CADPS2: variants seen among roughly 807,000 people sequenced by gnomAD.
CADPS2 encodes calcium-dependent secretion activator 2.
In CADPS2, 93 loss-of-function variants were observed where a neutral mutation model predicts 172.5. That is an observed-to-expected ratio of 0.54 (90% CI 0.46 to 0.64). The LOEUF (loss-of-function observed/expected upper bound fraction) is 0.64. Ranked by LOEUF, CADPS2 falls within the 30% of genes least tolerant of loss-of-function variation. The pLI, the probability that CADPS2 is intolerant of heterozygous loss-of-function variation, is 0.00. For missense variants in CADPS2, 1,420 were observed against 1,565.9 expected, an observed-to-expected ratio of 0.91 and a Z score of 1.57; for synonymous variants, 546 against 555.2, an observed-to-expected ratio of 0.98 and a Z score of 0.23.
intron 3 of CADPS2, among the ~76,000 whole-genome samples, chr7:122,657,852 T>C (rs2080000516): frequency 6.6e-6 from 1 of 152,114 alleles, no homozygotes; most frequent in Non-Finnish European, 1.5e-5. Context: ...CTATGTTGAA[T>C]AGGAGTGGTG....
Position 122,477,046 on chromosome 7 carries a change from AGAGAGAAGAG to A in CADPS2, c.1862-2539_1862-2530del, listed in dbSNP as rs1563448785. ...AGGAGAGGAGAGGAGAGGAGAGGAG[AGAGAGAAGAG>A]AGAGAGAGAGAGAGAGAGAGAGAGA... On this transcript the variant is annotated intron_variant, in intron 12 of 29. Coordinates refer to ENST00000449022, the MANE Select transcript of CADPS2 (RefSeq NM_017954.11). Among the ~76,000 whole-genome samples, 12 of 65,958 alleles carry A rather than the reference AGAGAGAAGAG, an allele frequency of 1.8e-4. No homozygotes were observed. The East Asian group carries it at 4.3e-3, about 23-fold the overall frequency. 43.3% of individuals were successfully genotyped at this position (65,958 alleles called of 152,430 possible).
intron 8 of CADPS2, among the ~76,000 whole-genome samples, chr7:122,520,832 C>T (rs1473742757): frequency 6.6e-6 from 1 of 152,088 alleles, no homozygotes; most frequent in Non-Finnish European, 1.5e-5. Context: ...TATTTGCACT[C>T]AGTCCATGCT....
rs766158398 is a variant in CADPS2 at position 122,886,031 on chromosome 7, G to C, written c.307C>G (p.Gln103Glu). ...RCIAYPFNAKQPTDMARRQQK... is the reference protein window; with the variant it reads ...RCIAYPFNAKEPTDMARRQQK... ...TGCCTCCGGGCCATGTCGGTGGGCT[G>C]CTTGGCGTTGAAGGGGTACGCGATG... Residue 103 changes from glutamine (Q) to glutamate (E), a missense_variant, in exon 1 of 30, where the codon CAG becomes GAG. By Grantham distance (29) the Gln-to-Glu change is conservative (BLOSUM62 2). Transcript: ENST00000449022. 6.2e-7 allele frequency: 1 copy of C among 1,608,380 alleles called. No homozygotes were observed.
chr7:122,349,198 G>A (rs962502658), intron 27 of CADPS2, among the ~76,000 whole-genome samples: 10 of 151,958 alleles, frequency 6.6e-5, no homozygotes, highest in Middle Eastern at 3.4e-3. Context: ...AAAAGTGGCC[G>A]GTTAAACTTC....
At chr7:122,434,169 C>T (rs1467999384) in intron 17 of CADPS2, among the ~76,000 whole-genome samples, 3 of 152,112 alleles carry the variant, frequency 2.0e-5, no homozygotes, top group Admixed American at 1.3e-4. Context: ...CGGATTGTTG[C>T]TATTACAATG....
rs77342258 is a variant in CADPS2, at chr7:122,496,567, T to G, written c.1543-5147A>C. Among the ~76,000 whole-genome samples, 1,494 of 152,324 alleles carry G rather than the reference T, an allele frequency of 9.8e-3. 25 individuals are homozygous for G. Among genetic ancestry groups the G allele is most frequent in the African/African-American group, 0.034 (1,433 of 41,570 alleles). ...GTTCATATTAGCCTCATCTCACAAG[T>G]AGCATTTTTATGAGTTCTGTTCCAA... On this transcript the variant is annotated intron_variant, in intron 9 of 29. Transcript: ENST00000449022.
intron 24 of CADPS2, among the ~76,000 whole-genome samples, chr7:122,384,468 C>T (rs115083718): frequency 0.013 from 1,958 of 151,902 alleles, 37 homozygotes; most frequent in African/African-American, 0.044. Context: ...AAATGAGGTC[C>T]GCTGGCTCAC....
chr7:122,875,325 G>A lies in CADPS2; in HGVS notation c.339+10674C>T, dbSNP rs377713898. 1.1e-4 allele frequency among the ~76,000 whole-genome samples: 17 copies of A among 152,238 alleles called. No homozygotes were observed. The East Asian group carries it at 2.1e-3, about 19-fold the overall frequency. On this transcript the variant is annotated intron_variant, in intron 1 of 29. Coordinates refer to ENST00000449022, the MANE Select transcript of CADPS2 (RefSeq NM_017954.11). The stretch of plus-strand genomic sequence containing the variant: ...CATATACACAGTAAGTGGATCAAAC[G>A]AAGTTAATTTTCAGTGATTGTAAGC...
At chr7:122,495,452 A>C (rs1238544909) in intron 9 of CADPS2, among the ~76,000 whole-genome samples, 1 of 152,194 alleles carries the variant, frequency 6.6e-6, no homozygotes, top group Non-Finnish European at 1.5e-5. Context: ...TATATCATAC[A>C]TATTATTCTG....
At chr7:122,791,619 A>G (rs1795312535) in intron 1 of CADPS2, among the ~76,000 whole-genome samples, 2 of 151,578 alleles carry the variant, frequency 1.3e-5, no homozygotes, top group Admixed American at 6.7e-5. Context: ...TATTTATTTC[A>G]TTGCTATTTA....
chr7:122,600,474 G>C (rs1304891778), intron 6 of CADPS2, among the ~76,000 whole-genome samples: 1 of 152,038 alleles, frequency 6.6e-6, no homozygotes, highest in Non-Finnish European at 1.5e-5. Context: ...TCATCTGTTA[G>C]TAAGTCTCAT....
chr7:122,454,614 G>C (rs1354600672), intron 14 of CADPS2, among the ~76,000 whole-genome samples: 1 of 152,104 alleles, frequency 6.6e-6, no homozygotes, highest in East Asian at 1.9e-4. Flanking sequence ...CATTGAATCA[G>C]CAAGTCAGTT....
rs10240273 is a variant in CADPS2 at position 122,441,347 on chromosome 7, C to T, written c.2352+165G>A. 3.9e-3 allele frequency among the ~76,000 whole-genome samples: 588 copies of T among 152,184 alleles called. 5 individuals carry two copies. The highest frequency in any genetic ancestry group is 0.013 in the African/African-American group (558 of 41,524). On this transcript the variant is annotated intron_variant, in intron 16 of 29. Transcript: ENST00000449022. The stretch of plus-strand genomic sequence containing the variant: ...GAAAGGCTTCAGGGAGAATGAAGTG[C>T]TGTAGACAGAGTCTGAATGTAGTAA...
chr7:122,398,738 TTCTCTCTC>T (rs375630670), intron 20 of CADPS2, among the ~76,000 whole-genome samples: 3 of 131,400 alleles, frequency 2.3e-5, no homozygotes, highest in Non-Finnish European at 3.2e-5. Flanking sequence ...GAAAACACTC[TTCTCTCTC>T]TCTCTCTCTC....
At chr7:122,597,436 C>T (rs941131406) in intron 6 of CADPS2, among the ~76,000 whole-genome samples, 1 of 152,012 alleles carries the variant, frequency 6.6e-6, no homozygotes, top group Admixed American at 6.6e-5. Flanking sequence ...GTTGAAATCC[C>T]AACTCCCCAA....
intron 14 of CADPS2, among the ~76,000 whole-genome samples, chr7:122,464,051 G>C (rs368294829): frequency 2.4e-4 from 37 of 152,178 alleles, no homozygotes; most frequent in African/African-American, 8.7e-4. Flanking sequence ...CCTAGATCTT[G>C]GTTTCTAAAT....
In CADPS2 at chr7:122,678,857, C is replaced by T. The variant is rs762899507; in HGVS notation, c.454-15288G>A. Reference sequence around the variant, plus strand: ...AGTCAGGGACCTCGAATGGAGGGACCAGCTGAAACCATGGCAGAACATAAA... The same window carrying T: ...AGTCAGGGACCTCGAATGGAGGGACTAGCTGAAACCATGGCAGAACATAAA... On this transcript the variant is annotated intron_variant, in intron 2 of 29. Transcript: ENST00000449022. Among the ~76,000 whole-genome samples the T allele has an allele frequency of 9.7e-4, 55 of 56,808 alleles. 1 individual carries two copies. The highest frequency in any genetic ancestry group is 1.4e-3 in the Non-Finnish European group (40 of 29,314). The allele number at this position is 56,808 out of a possible 152,430, so 37.3% of individuals were successfully genotyped here. A position where few individuals can be genotyped will look rare whatever the true frequency, so the allele number is the denominator to read the frequency against.
chr7:122,579,183 T>C (rs2068460800), intron 7 of CADPS2, among the ~76,000 whole-genome samples: 1 of 152,074 alleles, frequency 6.6e-6, no homozygotes, highest in Non-Finnish European at 1.5e-5. Flanking sequence ...TTAGTATAGA[T>C]TAATGGCTCT....
intron 20 of CADPS2, among the ~76,000 whole-genome samples, chr7:122,395,812 C>CT (rs1293194209): frequency 0.02 from 2,779 of 139,928 alleles, 65 homozygotes; most frequent in African/African-American, 0.065. Flanking sequence ...TTTTTTTTTT[C>CT]TTTTTTTTTT....
Sources: allele counts gnomAD v4.1 joint callset (sites outside exome capture counted in the v4.1 genomes callset), GRCh38; gene constraint gnomAD v4.1.1; transcripts MANE v1.5; gene names NCBI Gene and HGNC (gene_info 2026-07-23, HGNC 2026-07-21).